The following RB1CC1 variants were observed in gnomAD, a reference collection of about 807,000 sequenced individuals.
RB1CC1 encodes RB1-inducible coiled-coil protein 1.
In RB1CC1, 46 loss-of-function variants were observed where a neutral mutation model predicts 177.5. The observed-to-expected ratio is 0.26, with a 90% CI of 0.20 to 0.33. RB1CC1 has a LOEUF of 0.33. Ranked by LOEUF, RB1CC1 falls within the 10% of genes least tolerant of loss-of-function variation. The pLI, the probability that RB1CC1 is intolerant of heterozygous loss-of-function variation, is 1.00. For missense variants in RB1CC1, 1,703 were observed against 1,816.3 expected, an observed-to-expected ratio of 0.94 and a Z score of 1.13; for synonymous variants, 666 against 613.6, an observed-to-expected ratio of 1.09 and a Z score of -1.26.
chr8:52,637,787 C>A (rs1343183977), intron 18 of RB1CC1, among the ~76,000 whole-genome samples: 1 of 152,122 alleles, frequency 6.6e-6, no homozygotes, highest in Non-Finnish European at 1.5e-5. Context: ...TCTCCTGTCT[C>A]AGCCTCCCAT....
At chr8:52,711,067 G>A (rs1295436901) in intron 1 of RB1CC1, among the ~76,000 whole-genome samples, 1 of 152,014 alleles carries the variant, frequency 6.6e-6, no homozygotes, top group Non-Finnish European at 1.5e-5. Flanking sequence ...AATAAAATAT[G>A]AGAGTTCAAA....
chr8:52,652,751 T>C (rs1222775818), intron 15 of RB1CC1, among the ~76,000 whole-genome samples: 1 of 152,086 alleles, frequency 6.6e-6, no homozygotes, highest in Non-Finnish European at 1.5e-5. Context: ...TTTTACTATC[T>C]GGACCTTTAA....
At chr8:52,655,004 T>C (rs1449166410) in intron 15 of RB1CC1, among the ~76,000 whole-genome samples, 1 of 152,194 alleles carries the variant, frequency 6.6e-6, no homozygotes, top group Non-Finnish European at 1.5e-5. Context: ...AATCTGTTTT[T>C]ACTGCTTTAA....
intron 1 of RB1CC1, among the ~76,000 whole-genome samples, chr8:52,711,920 T>C (rs1251143318): frequency 1.3e-5 from 2 of 152,202 alleles, no homozygotes; most frequent in Non-Finnish European, 2.9e-5. Context: ...TTACTTCTCT[T>C]GGGCCTTTAT....
intron 12 of RB1CC1, 103 bp downstream of exon 12, chr8:52,660,492 TA>T: frequency 8.9e-7 from 1 of 1,118,762 alleles, no homozygotes; most frequent in Non-Finnish European, 1.3e-6. Flanking sequence ...TGATTTTTTT[TA>T]AACCACAACA....
chr8:52,686,670 C>T (rs180761977), intron 2 of RB1CC1, among the ~76,000 whole-genome samples, 183 bp downstream of exon 2: 12 of 152,218 alleles, frequency 7.9e-5, no homozygotes, highest in East Asian at 7.7e-4. Flanking sequence ...AACTGGTGAA[C>T]GATAACTATA....
At position 52,628,041 on chromosome 8, in the gene RB1CC1, C is replaced by G. The variant is rs1394671633; in HGVS notation, c.4627G>C (p.Gly1543Arg). The G allele has an allele frequency of 6.3e-7, 1 of 1,593,490 alleles. No individual in the cohort carries two copies. The highest frequency in any genetic ancestry group is 1.4e-5 in the African/African-American group (1 of 73,442). The change falls in exon 22 of 24, where the codon GGT (glycine) becomes CGT (arginine). Residue 1543 changes from glycine (G) to arginine (R), a missense_variant. Coordinates refer to ENST00000025008, the MANE Select transcript of RB1CC1 (RefSeq NM_014781.5). ...ATGGAATGACACTTACCACCCTCAC[C>G]TGGTTTGAGATCCAGGGCAGGTAGA... ...ESLPALDLKP[G>R]EGASGASRRP...
chr8:52,671,873 A>C (rs1563415394), intron 7 of RB1CC1, among the ~76,000 whole-genome samples: 1 of 152,154 alleles, frequency 6.6e-6, no homozygotes, highest in East Asian at 1.9e-4. Context: ...TAAAAAAAAA[A>C]TCTAATGGGC....
intron 7 of RB1CC1, among the ~76,000 whole-genome samples, chr8:52,672,532 C>T (rs79430994): frequency 0.024 from 3,611 of 152,166 alleles, 164 homozygotes; most frequent in African/African-American, 0.082. Flanking sequence ...TGCTTGAGCC[C>T]GGCAATCTGA....
At chr8:52,659,783 G>A (rs993168990) in intron 12 of RB1CC1, among the ~76,000 whole-genome samples, 8 of 152,118 alleles carry the variant, frequency 5.3e-5, no homozygotes, top group African/African-American at 1.4e-4. Flanking sequence ...AGAACACTTG[G>A]GGCCAGGAGT....
At chr8:52,650,877 C>T (rs1850516026) in intron 15 of RB1CC1, among the ~76,000 whole-genome samples, 2 of 152,164 alleles carry the variant, frequency 1.3e-5, no homozygotes, top group South Asian at 2.1e-4. Context: ...GAAGCAACAG[C>T]CTTTTTCTAC....
chr8:52,667,075 C>T (rs2150525423), intron 8 of RB1CC1, among the ~76,000 whole-genome samples: 1 of 152,186 alleles, frequency 6.6e-6, no homozygotes, highest in South Asian at 2.1e-4. Context: ...GCACCTCATA[C>T]TAAAATTGCT....
In RB1CC1 at chr8:52,680,777, C is replaced by T. The variant is rs925285711; in HGVS notation, c.369+2772G>A. On this transcript the variant is annotated intron_variant, in intron 5 of 23. Transcript: ENST00000025008. ...AATCATTCTCAGGAACATCATGTTG[C>T]GTAAAAGAGGCTAGACACAAAAGAA... Among the ~76,000 whole-genome samples the T allele has an allele frequency of 7.9e-5, 12 of 152,054 alleles. No homozygotes were observed. In the East Asian group the frequency reaches 9.6e-4, roughly 12 times the overall value.
chr8:52,688,994 G>C (rs185480788), intron 1 of RB1CC1, among the ~76,000 whole-genome samples: 8 of 152,244 alleles, frequency 5.3e-5, no homozygotes, highest in African/African-American at 1.9e-4. Flanking sequence ...AAGTTTGGGA[G>C]GGATCTCAGC....
chr8:52,693,304 G>C (rs1033347488), intron 1 of RB1CC1, among the ~76,000 whole-genome samples: 1 of 152,164 alleles, frequency 6.6e-6, no homozygotes, highest in Non-Finnish European at 1.5e-5. Flanking sequence ...CTTCTGCACA[G>C]CAAAACAAAC....
chr8:52,704,293 T>G (rs761136024), intron 1 of RB1CC1, among the ~76,000 whole-genome samples: 1 of 152,012 alleles, frequency 6.6e-6, no homozygotes, highest in Non-Finnish European at 1.5e-5. Flanking sequence ...TCTAACACAC[T>G]GAACAAATAC....
At chr8:52,633,856 AG>A (rs1049095772) in intron 20 of RB1CC1, among the ~76,000 whole-genome samples, 2 of 152,196 alleles carry the variant, frequency 1.3e-5, no homozygotes, top group Non-Finnish European at 2.9e-5. Context: ...GGGGAGGCTG[AG>A]GCAGGCGGAT....
chr8:52,663,458 C>T lies in RB1CC1; in HGVS notation c.1174-1739G>A, dbSNP rs185746348. On this transcript the variant is annotated intron_variant, in intron 8 of 23. Coordinates refer to ENST00000025008, the MANE Select transcript of RB1CC1 (RefSeq NM_014781.5). ...CAAAGGCATTTGAAATGGTCTCTAT[C>T]TTATGAGATGTTCAGGCAATAAATA... 1.3e-4 allele frequency among the ~76,000 whole-genome samples: 20 copies of T among 152,116 alleles called. No homozygotes were observed. The South Asian group carries it at 3.9e-3, about 30-fold the overall frequency.
Position 52,623,565 on chromosome 8 carries a change from C to T in RB1CC1, c.*217G>A. On this transcript the variant is annotated 3_prime_UTR_variant, in exon 24 of 24. Coordinates refer to ENST00000025008, the MANE Select transcript of RB1CC1 (RefSeq NM_014781.5). ...GAGTTGTCTGGGTAAAAAAAAAAAC[C>T]AAAAAACAAAAACCATTTTAATTCA... The T allele has an allele frequency of 1.8e-6, 1 of 542,744 alleles. No homozygotes were observed. The highest frequency in any genetic ancestry group is 1.7e-5 in the South Asian group (1 of 57,358). The allele number at this position is 542,744 out of a possible 1,614,324, so 33.6% of individuals were successfully genotyped here. A position where few individuals can be genotyped will look rare whatever the true frequency, so the allele number is the denominator to read the frequency against.
Sources: allele counts gnomAD v4.1 joint callset (sites outside exome capture counted in the v4.1 genomes callset), GRCh38; gene constraint gnomAD v4.1.1; transcripts MANE v1.5; gene names NCBI Gene and HGNC (gene_info 2026-07-23, HGNC 2026-07-21).